Variants in CHD6 observed in about 807,000 individuals in gnomAD.
CHD6 encodes ATP-dependent chromatin remodeler CHD6.
A neutral mutation model predicts 276.9 loss-of-function variants in CHD6; 50 were observed. The observed-to-expected ratio is 0.18, with a 90% confidence interval of 0.14 to 0.23. The LOEUF is 0.23. CHD6 is among the 10% of genes least tolerant of loss of function. The pLI is 1.00. For synonymous variants in CHD6, 1,173 were observed against 1,229.3 expected (o/e 0.95, Z 0.96); for missense variants, 2,564 against 3,365.8 (o/e 0.76, Z 5.89).
intron 17 of CHD6, among the ~76,000 whole-genome samples, chr20:41,471,153 C>A (rs766155184): frequency 4.6e-5 from 7 of 152,204 alleles, no homozygotes; most frequent in Non-Finnish European, 8.8e-5. Context: ...CTACTCAATT[C>A]TGCCACTGTA....
At chr20:41,464,399 T>C (rs910893119) in intron 17 of CHD6, among the ~76,000 whole-genome samples, 2 of 152,234 alleles carry the variant, frequency 1.3e-5, no homozygotes, top group Non-Finnish European at 2.9e-5. Context: ...CATTATATTC[T>C]GGTAAATGTA....
chr20:41,479,127 TGAA>T (rs1183082879), intron 16 of CHD6, among the ~76,000 whole-genome samples: 1 of 152,000 alleles, frequency 6.6e-6, no homozygotes, highest in Non-Finnish European at 1.5e-5. Context: ...TCAGTGAACT[TGAA>T]GACAGATAAA....
Position 41,442,564 on chromosome 20 carries a change from C to T in CHD6, c.3878-2435G>A, listed in dbSNP as rs73123237. 6.6e-3 allele frequency among the ~76,000 whole-genome samples: 1,001 copies of T among 152,288 alleles called. 5 individuals are homozygous for T. Among genetic ancestry groups the T allele is most frequent in the Non-Finnish European group, 0.011 (757 of 68,024 alleles). ...ACCAAGGCATGCAGGTGAAGTGGAG[C>T]GGGCTTCCTGACACAATATCCCTGA... On this transcript the variant is annotated intron_variant, in intron 25 of 36. Transcript: ENST00000373233.
intron 23 of CHD6, 47 bp downstream of exon 23, chr20:41,450,899 A>T: frequency 6.4e-7 from 1 of 1,562,926 alleles, no homozygotes; most frequent in African/African-American, 1.3e-5. Flanking sequence ...GAATCGAAGC[A>T]GTCTGAGCCG....
chr20:41,403,930 T>C lies in CHD6; in HGVS notation c.*663A>G. On this transcript the variant is annotated 3_prime_UTR_variant, in exon 37 of 37. Coordinates refer to ENST00000373233, the MANE Select transcript of CHD6 (RefSeq NM_032221.5). ...AGAGGGATGTATAGAAAATAATGCC[T>C]AGTCAGTCAGTATTTCTTCTTGCTG... is the stretch of plus-strand genomic sequence containing the variant. The C allele has an allele frequency of 9.5e-7, 1 of 1,054,094 alleles. No individual in the cohort carries two copies. Among genetic ancestry groups the C allele is most frequent in the Non-Finnish European group, 1.1e-6 (1 of 872,226 alleles). 65.3% of individuals were successfully genotyped at this position (1,054,094 alleles called of 1,614,324 possible).
chr20:41,486,996 G>A (rs1245953246), intron 14 of CHD6, among the ~76,000 whole-genome samples: 1 of 152,148 alleles, frequency 6.6e-6, no homozygotes, highest in African/African-American at 2.4e-5. Context: ...TCCTTTGAAG[G>A]ACCACCTCTA....
intron 5 of CHD6, among the ~76,000 whole-genome samples, chr20:41,504,601 G>C (rs1003448190): frequency 2.0e-5 from 3 of 151,498 alleles, no homozygotes; most frequent in Admixed American, 6.6e-5. Flanking sequence ...GTAGAGAAGG[G>C]GTTTTGCCAT....
At chr20:41,457,623 A>G (rs1413570102) in intron 17 of CHD6, among the ~76,000 whole-genome samples, 195 bp from the exon 18 acceptor site, 3 of 152,182 alleles carry the variant, frequency 2.0e-5, no homozygotes, top group Admixed American at 6.5e-5. Context: ...TTCTTCTCCC[A>G]TTGTGTACTG....
Position 41,533,303 on chromosome 20 carries a change from GCTC to G in CHD6, c.298_300del (p.Glu100del), listed in dbSNP as rs2044737231. On this transcript the variant is annotated inframe_deletion, in exon 3 of 37. Coordinates refer to ENST00000373233, the MANE Select transcript of CHD6 (RefSeq NM_032221.5). ...TTTGCTGCACCCTCTTGGTCTCCTG[GCTC>G]CTTTTTCTTCCGTTTCTTCTTCACT... 1.9e-6 allele frequency: 3 copies of G among 1,613,802 alleles called. No individual in the cohort carries two copies. Among genetic ancestry groups the G allele is most frequent in the Non-Finnish European group, 2.5e-6 (3 of 1,179,994 alleles).
At position 41,404,516 on chromosome 20, in the gene CHD6, G is replaced by GTGAA. The variant is rs1470135188; in HGVS notation, c.*73_*76dup. 7.0e-7 allele frequency: 1 copy of GTGAA among 1,435,662 alleles called. No homozygotes were observed. Among genetic ancestry groups the GTGAA allele is most frequent in the Non-Finnish European group, 9.2e-7 (1 of 1,092,074 alleles). 88.9% of individuals were successfully genotyped at this position (1,435,662 alleles called of 1,614,324 possible). A position where few individuals can be genotyped will look rare whatever the true frequency, so the allele number is the denominator to read the frequency against. On this transcript the variant is annotated 3_prime_UTR_variant, in exon 37 of 37. Coordinates refer to ENST00000373233, the MANE Select transcript of CHD6 (RefSeq NM_032221.5). ...TATGGAAACACAGGTTCTTATGGAGGTGAAGTGAGGGAAGTAACAAACCTT... is the reference window on the plus strand; with the variant it reads ...TATGGAAACACAGGTTCTTATGGAGGTGAATGAAGTGAGGGAAGTAACAAACCTT...
intron 17 of CHD6, among the ~76,000 whole-genome samples, chr20:41,468,264 G>T (rs1020949534): frequency 6.6e-6 from 1 of 151,602 alleles, no homozygotes; most frequent in Non-Finnish European, 1.5e-5. Flanking sequence ...TGCCCATCCC[G>T]ACGCCTGGCT....
intron 16 of CHD6, among the ~76,000 whole-genome samples, chr20:41,478,131 A>C (rs2043207205): frequency 6.6e-6 from 1 of 152,186 alleles, no homozygotes; most frequent in Non-Finnish European, 1.5e-5. Flanking sequence ...AAAATGGTCC[A>C]GCCAGATGCA....
chr20:41,532,576 G>A (rs913038819), intron 3 of CHD6, among the ~76,000 whole-genome samples: 1 of 152,154 alleles, frequency 6.6e-6, no homozygotes, highest in Non-Finnish European at 1.5e-5. Flanking sequence ...CAAAAGGAAT[G>A]GCAAGAAACT....
In CHD6 at chr20:41,484,947, T is replaced by C. The variant is rs868672162; in HGVS notation, c.2002-340A>G. Among the ~76,000 whole-genome samples the C allele has an allele frequency of 5.3e-5, 8 of 152,154 alleles. No individual in the cohort carries two copies. The South Asian group carries it at 1.7e-3, about 32-fold the overall frequency. On this transcript the variant is annotated intron_variant, in intron 14 of 36. Transcript: ENST00000373233. ...AATACACACACCACATGCACAGTAA[T>C]TACCTGAAGAGTATTTTAAATTATG...
intron 1 of CHD6, among the ~76,000 whole-genome samples, chr20:41,564,414 G>C (rs2045333746): frequency 6.6e-6 from 1 of 152,076 alleles, no homozygotes; most frequent in Non-Finnish European, 1.5e-5. Flanking sequence ...GAGTGAAAGA[G>C]GACAAATTGA....
chr20:41,571,823 G>T (rs2045420765), intron 1 of CHD6, among the ~76,000 whole-genome samples: 1 of 151,876 alleles, frequency 6.6e-6, no homozygotes. Flanking sequence ...AAATATAATA[G>T]ACATTATAAT....
At chr20:41,557,873 A>T (rs2045258064) in intron 1 of CHD6, among the ~76,000 whole-genome samples, 1 of 152,178 alleles carries the variant, frequency 6.6e-6, no homozygotes, top group Admixed American at 6.5e-5. Flanking sequence ...GTGAACATGT[A>T]TTTTTATAAT....
intron 14 of CHD6, among the ~76,000 whole-genome samples, chr20:41,484,885 G>C (rs1238359318): frequency 6.6e-6 from 1 of 152,116 alleles, no homozygotes; most frequent in Admixed American, 6.6e-5. Context: ...CTATTCTCTA[G>C]GATGGAGAAA....
At chr20:41,515,604 C>T (rs989932946) in intron 3 of CHD6, among the ~76,000 whole-genome samples, 1 of 152,224 alleles carries the variant, frequency 6.6e-6, no homozygotes, top group African/African-American at 2.4e-5. Context: ...CTCTTTCCTA[C>T]ACTCCCAAAG....
Sources: gnomAD v4.1 joint callset for allele counts (sites outside exome capture counted in the v4.1 genomes callset) on GRCh38, gnomAD v4.1.1 for gene constraint, MANE v1.5 for transcripts, NCBI Gene and HGNC (gene_info 2026-07-23, HGNC 2026-07-21) for gene names.